Variants in TEAD4 observed in about 807,000 individuals in gnomAD.
TEAD4 encodes TEA domain transcription factor 4.
Under a neutral mutation model 52.4 loss-of-function variants are expected in TEAD4, and 36 were observed. The ratio of observed to expected loss-of-function variants is 0.69; its 90% CI spans 0.53 to 0.91. The LOEUF is 0.91. TEAD4 is among the 40% of genes least tolerant of loss of function. The pLI is 0.00. For synonymous variants in TEAD4, 220 were observed against 231.0 expected (o/e 0.95, Z 0.43); for missense variants, 508 against 583.9 (o/e 0.87, Z 1.34).
chr12:2,985,501 CTTTTTT>C (rs560522260), intron 2 of TEAD4, among the ~76,000 whole-genome samples: 2 of 83,012 alleles, frequency 2.4e-5, no homozygotes, highest in Non-Finnish European at 4.3e-5. Flanking sequence ...TTTACAAAAT[CTTTTTT>C]TTTTTTTTTT....
At chr12:3,023,946 G>C (rs549702101) in intron 10 of TEAD4, among the ~76,000 whole-genome samples, 3 of 152,046 alleles carry the variant, frequency 2.0e-5, no homozygotes, top group African/African-American at 4.8e-5. Flanking sequence ...GCTGTATCTC[G>C]ATGTCAGGAT....
At chr12:2,975,352 G>A (rs7302072) in intron 2 of TEAD4, among the ~76,000 whole-genome samples, 126,728 of 149,920 alleles carry the variant, frequency 0.85, 54,008 homozygotes, top group Middle Eastern at 0.92. Flanking sequence ...AGTCAATATC[G>A]GCACATTATT....
intron 2 of TEAD4, among the ~76,000 whole-genome samples, chr12:2,961,976 T>C (rs1217483796): frequency 6.6e-6 from 1 of 151,918 alleles, no homozygotes; most frequent in African/African-American, 2.4e-5. Context: ...CAGACAGGGC[T>C]TTGTCACCAG....
intron 3 of TEAD4, among the ~76,000 whole-genome samples, chr12:2,999,310 C>T (rs916184655): frequency 2.0e-5 from 3 of 152,206 alleles, no homozygotes; most frequent in African/African-American, 7.2e-5. Flanking sequence ...CACTTCCCTG[C>T]ATCCAAAGGC....
chr12:2,985,861 G>A (rs2098238013), intron 2 of TEAD4, among the ~76,000 whole-genome samples: 1 of 151,742 alleles, frequency 6.6e-6, no homozygotes, highest in Non-Finnish European at 1.5e-5. Context: ...CGAGGCGGGT[G>A]GATCACTACG....
intron 8 of TEAD4, among the ~76,000 whole-genome samples, chr12:3,019,844 G>A (rs111403694): frequency 3.9e-5 from 6 of 152,148 alleles, no homozygotes; most frequent in African/African-American, 1.2e-4. Context: ...GCTTTCTCTC[G>A]TTCACACATC....
intron 2 of TEAD4, among the ~76,000 whole-genome samples, chr12:2,984,869 C>T (rs1188049365): frequency 6.6e-6 from 1 of 152,098 alleles, no homozygotes; most frequent in Non-Finnish European, 1.5e-5. Flanking sequence ...CTGGAAGCTG[C>T]TCTGGGTGAG....
At chr12:2,967,246 C>T (rs1348163592) in intron 2 of TEAD4, among the ~76,000 whole-genome samples, 2 of 152,038 alleles carry the variant, frequency 1.3e-5, no homozygotes, top group Non-Finnish European at 2.9e-5. Flanking sequence ...GGTGAATGTC[C>T]TTCCAAATTT....
At chr12:3,018,412 C>A in intron 6 of TEAD4, 133 bp from the exon 7 acceptor site, 1 of 980,348 alleles carries the variant, frequency 1.0e-6, no homozygotes, top group Non-Finnish European at 1.6e-6. Context: ...TTAGCATTCA[C>A]TAGCTAGGCG....
intron 3 of TEAD4, among the ~76,000 whole-genome samples, 187 bp downstream of exon 3, chr12:2,995,179 G>A (rs541002155): frequency 6.6e-6 from 1 of 152,214 alleles, no homozygotes; most frequent in East Asian, 1.9e-4. Context: ...GTGAGGGGGT[G>A]TGGAGGGTGG....
intron 3 of TEAD4, among the ~76,000 whole-genome samples, chr12:3,003,487 G>A (rs1288696886): frequency 2.0e-5 from 3 of 152,136 alleles, no homozygotes. Flanking sequence ...CGTTTTCAGT[G>A]GTGCTATGTG....
At chr12:2,985,288 G>A (rs1351493127) in intron 2 of TEAD4, among the ~76,000 whole-genome samples, 1 of 151,746 alleles carries the variant, frequency 6.6e-6, no homozygotes, top group Non-Finnish European at 1.5e-5. Context: ...AGGAGGCTGA[G>A]GCAGGAGAAT....
At chr12:3,029,233 A>ATT (rs71057880) in intron 10 of TEAD4, among the ~76,000 whole-genome samples, 8,200 of 109,286 alleles carry the variant, frequency 0.075, 529 homozygotes, top group Non-Finnish European at 0.086. Context: ...CGCCTGGCCA[A>ATT]TTTTTTTTTT....
intron 2 of TEAD4, among the ~76,000 whole-genome samples, chr12:2,975,954 C>A (rs562832419): frequency 1.6e-4 from 25 of 152,024 alleles, no homozygotes; most frequent in Admixed American, 1.0e-3. Context: ...TTCAGATTGG[C>A]GTCTCTCACT....
At chr12:2,995,083 G>T in intron 3 of TEAD4, 91 bp downstream of exon 3, 1 of 1,487,794 alleles carries the variant, frequency 6.7e-7, no homozygotes, top group South Asian at 1.3e-5. Flanking sequence ...CCACAGAAGG[G>T]GATGACCACT....
At chr12:3,011,978 T>C (rs61917974) in intron 4 of TEAD4, among the ~76,000 whole-genome samples, 192 bp from the exon 5 acceptor site, 15,309 of 152,214 alleles carry the variant, frequency 0.1, 1,371 homozygotes, top group African/African-American at 0.24. Flanking sequence ...CACTGCACTT[T>C]TGAAATACTG....
intron 10 of TEAD4, among the ~76,000 whole-genome samples, chr12:3,034,845 A>G (rs1036248694): frequency 2.0e-5 from 3 of 151,668 alleles, no homozygotes; most frequent in Non-Finnish European, 4.4e-5. Flanking sequence ...TATAATCCCA[A>G]CACTTTGGGA....
intron 3 of TEAD4, among the ~76,000 whole-genome samples, chr12:2,996,592 T>G (rs2098247397): frequency 6.6e-6 from 1 of 152,180 alleles, no homozygotes; most frequent in African/African-American, 2.4e-5. Context: ...GTATTTTTAG[T>G]AGAGACAGGG....
intron 2 of TEAD4, among the ~76,000 whole-genome samples, chr12:2,962,344 A>ATT (rs199615383): frequency 1.7e-5 from 2 of 118,898 alleles, no homozygotes; most frequent in African/African-American, 6.5e-5. Flanking sequence ...ATATATATAT[A>ATT]TATTTTTTGA....
Sources: gnomAD v4.1 joint callset for allele counts (sites outside exome capture counted in the v4.1 genomes callset) on GRCh38, gnomAD v4.1.1 for gene constraint, MANE v1.5 for transcripts, NCBI Gene and HGNC (gene_info 2026-07-23, HGNC 2026-07-21) for gene names.